The following MGAM variants were observed in gnomAD, a reference collection of about 807,000 sequenced individuals.
MGAM encodes maltase-glucoamylase.
MGAM carries 253 observed loss-of-function variants against 358.8 expected under a neutral mutation model. The ratio of observed to expected loss-of-function variants is 0.71; its 90% CI spans 0.64 to 0.78. The LOEUF (loss-of-function observed/expected upper bound fraction) is 0.78, where lower values mean the gene tolerates loss of function less well. Among genes scored for constraint, MGAM ranks in the 30% least tolerant of loss-of-function variants. The pLI is 0.00. For missense variants in MGAM, 3,080 were observed against 3,432.6 expected, an observed-to-expected ratio of 0.90 and a Z score of 2.57; for synonymous variants, 1,105 against 1,227.1, an observed-to-expected ratio of 0.90 and a Z score of 2.08.
chr7:142,042,006 TATA>T (rs1309767306), intron 21 of MGAM, among the ~76,000 whole-genome samples: 3 of 13,642 alleles, frequency 2.2e-4, no homozygotes, highest in African/African-American at 6.4e-4. Flanking sequence ...ATATTATATA[TATA>T]ATATAATATA....
intron 7 of MGAM, among the ~76,000 whole-genome samples, chr7:142,024,103 C>T (rs1210505514): frequency 1.3e-5 from 2 of 151,928 alleles, no homozygotes; most frequent in Non-Finnish European, 2.9e-5. Flanking sequence ...GTGGCGGGTG[C>T]CTGTAGTCCC....
Position 142,066,923 on chromosome 7 carries a change from T to C in MGAM, c.4919+202T>C, listed in dbSNP as rs537359970. On this transcript the variant is annotated intron_variant, in intron 41 of 70. Transcript: ENST00000475668. ...TCATAAAAAAAGGGTATTTATTGAATGACGAAAATTGAAATGATGCAGTAC... is the reference window on the plus strand; with the variant it reads ...TCATAAAAAAAGGGTATTTATTGAACGACGAAAATTGAAATGATGCAGTAC... Among the ~76,000 whole-genome samples the C allele has an allele frequency of 1.4e-4, 21 of 146,482 alleles. 1 individual carries two copies. In the East Asian group the frequency reaches 3.6e-3, roughly 25 times the overall value.
At chr7:142,041,045 C>T (rs1311176112) in intron 21 of MGAM, among the ~76,000 whole-genome samples, 199 bp downstream of exon 21, 1 of 152,120 alleles carries the variant, frequency 6.6e-6, no homozygotes, top group Non-Finnish European at 1.5e-5. Context: ...CCTCTGTCTG[C>T]CTTGGCCACA....
chr7:142,075,674 A>G (rs1813676676), intron 45 of MGAM, among the ~76,000 whole-genome samples: 2 of 146,456 alleles, frequency 1.4e-5, no homozygotes, highest in South Asian at 4.4e-4. Context: ...GCTAACTGGT[A>G]TGTGAAAAGA....
At position 142,025,109 on chromosome 7, in the gene MGAM, A is replaced by C; in HGVS notation, c.942A>C (p.Gly314=). 1 of 1,613,502 alleles carries C rather than the reference A, an allele frequency of 6.2e-7. No individual in the cohort carries two copies. Among genetic ancestry groups the C allele is most frequent in the Non-Finnish European group, 8.5e-7 (1 of 1,179,506 alleles). The change falls in exon 8 of 71, where the codon GGA becomes GGC. Residue 314 remains glycine, a synonymous_variant. Transcript: ENST00000475668. ...TCTTGTGCCTTGAAGATGCTAGTGG[A>C]TTGTCCTTTGGGGTGTTTCTGATGA... is the stretch of plus-strand genomic sequence containing the variant. The part of the protein sequence containing the change: ...TFFLCLEDAS[G]LSFGVFLMNS...
rs760873437 is a variant in MGAM at position 142,065,378 on chromosome 7, C to T, written c.4528C>T (p.Arg1510Cys). ...VTGQRGVVIT[R>C]STFPSSGRWA... Reference sequence around the variant, plus strand: ...GGGACAGCGAGGGGTCGTCATCACCCGCTCCACATTTCCCTCTTCTGGCCG... The same window carrying T: ...GGGACAGCGAGGGGTCGTCATCACCTGCTCCACATTTCCCTCTTCTGGCCG... The change falls in exon 38 of 71, where the codon CGC becomes TGC. Residue 1510 changes from arginine to cysteine, a missense_variant. By Grantham distance (180) the Arg-to-Cys change is radical. Around this residue, in one of 5 missense-constraint regions of MGAM, gnomAD observed 134 missense variants for 198.4 expected, o/e 0.68. Coordinates refer to ENST00000475668, the MANE Select transcript of MGAM (RefSeq NM_001365693.1). 57 of 1,610,950 alleles carry T rather than the reference C, an allele frequency of 3.5e-5. No individual in the cohort carries two copies. The highest frequency in any genetic ancestry group is 4.6e-5 in the Non-Finnish European group (54 of 1,178,790).
chr7:142,044,484 TTA>T (rs1268383408), intron 21 of MGAM, among the ~76,000 whole-genome samples: 17 of 133,556 alleles, frequency 1.3e-4, no homozygotes, highest in African/African-American at 4.3e-4. Context: ...ATAATGTATA[TTA>T]TATACACTTA....
rs552996457 is a variant in MGAM at position 142,038,332 on chromosome 7, G to GTCTTCCCT, written c.2232-199_2232-198insTCTTCCCT. ...ATAGAAACATCTGTTTATCCTGAGG[G>GTCTTCCCT]AAGAATAGGAGACATGAGCTGGGGA... On this transcript the variant is annotated intron_variant, in intron 18 of 70. Transcript: ENST00000475668. Among the ~76,000 whole-genome samples the GTCTTCCCT allele has an allele frequency of 1.2e-4, 19 of 152,286 alleles. No homozygotes were observed. The South Asian group carries it at 3.9e-3, about 32-fold the overall frequency.
intron 21 of MGAM, among the ~76,000 whole-genome samples, chr7:142,042,012 A>G (rs1259845074): frequency 4.3e-5 from 1 of 23,104 alleles, no homozygotes; most frequent in Non-Finnish European, 6.6e-5. Context: ...TATATATAAT[A>G]TAATATATAT....
chr7:142,010,115 G>A (rs1554453916), intron 3 of MGAM, among the ~76,000 whole-genome samples: 1 of 152,098 alleles, frequency 6.6e-6, no homozygotes. Flanking sequence ...TTATGAGAGG[G>A]AATCCTTTTC....
chr7:142,050,148 A>T, intron 22 of MGAM, 87 bp from the exon 23 acceptor site: 1 of 1,313,396 alleles, frequency 7.6e-7, no homozygotes, highest in East Asian at 2.3e-5. Context: ...TGTGACCTCA[A>T]GGCATAGCTG....
At chr7:142,053,465 G>T (rs1811209068) in intron 26 of MGAM, among the ~76,000 whole-genome samples, 1 of 152,112 alleles carries the variant, frequency 6.6e-6, no homozygotes, top group South Asian at 2.1e-4. Flanking sequence ...TACTGAAAAA[G>T]TTTGTGCTTG....
In MGAM at chr7:142,036,202, AC is replaced by A. The variant is rs1297696796; in HGVS notation, c.1997del (p.Pro666LeufsTer41). 3.7e-6 allele frequency: 6 copies of A among 1,612,060 alleles called. No homozygotes were observed. The highest frequency in any genetic ancestry group is 5.1e-6 in the Non-Finnish European group (6 of 1,179,180). On this transcript the variant is annotated frameshift_variant, in exon 17 of 71. Transcript: ENST00000475668. LOFTEE classifies it high-confidence loss of function. ...TGACATATGTGGCTTTGCTTTGGAC[AC>A]CCCTGAGGAGCTCTGTAGGCGGTGG... ...GPDICGFALD[T>X]PEELCRRWMQ...
At chr7:142,052,241 G>T in intron 24 of MGAM, 53 bp from the exon 25 acceptor site, 2 of 1,461,946 alleles carry the variant, frequency 1.4e-6, no homozygotes, top group South Asian at 1.4e-5. Flanking sequence ...CTCAGGTCTT[G>T]CAAAGCCTGT....
chr7:142,065,959 TTTTGTTTTG>T, intron 40 of MGAM, 128 bp downstream of exon 40: 26 of 769,562 alleles, frequency 3.4e-5, no homozygotes, highest in South Asian at 3.3e-4. Context: ...TTTTGTTTTG[TTTTGTTTTG>T]TTTTTTTTTT....
intron 64 of MGAM, chr7:142,095,991 C>A: frequency 1.6e-6 from 1 of 607,808 alleles, no homozygotes; most frequent in Non-Finnish European, 2.8e-6. Flanking sequence ...TCTTTTGTAG[C>A]AGTTTGGTTA....
intron 25 of MGAM, 121 bp from the exon 26 acceptor site, chr7:142,052,663 C>A: frequency 7.3e-7 from 1 of 1,369,972 alleles, no homozygotes; most frequent in Non-Finnish European, 1.0e-6. Flanking sequence ...ATGTTATTGC[C>A]AAGTGATAAG....
intron 1 of MGAM, among the ~76,000 whole-genome samples, chr7:141,996,360 T>TA (rs1280916792): frequency 6.6e-6 from 1 of 151,408 alleles, no homozygotes; most frequent in African/African-American, 2.4e-5. Context: ...ACACCAATAA[T>TA]AAATCAAAAA....
At chr7:142,064,239 G>T (rs563069679) in intron 36 of MGAM, 145 bp from the exon 37 acceptor site, 1 of 1,209,718 alleles carries the variant, frequency 8.3e-7, no homozygotes, top group Non-Finnish European at 1.2e-6. Flanking sequence ...AGCTGGGGGC[G>T]CTGTGCTCAT....
Sources: gnomAD v4.1 joint callset for allele counts (sites outside exome capture counted in the v4.1 genomes callset) on GRCh38, gnomAD v4.1.1 for gene constraint, gnomAD v4.1.1 regional missense constraint, MANE v1.5 for transcripts, NCBI Gene and HGNC (gene_info 2026-07-23, HGNC 2026-07-21) for gene names.